The following SLC9A2 variants were observed in gnomAD, a reference collection of about 807,000 sequenced individuals.
The protein encoded by SLC9A2 is sodium/hydrogen exchanger 2.
In SLC9A2, 42 loss-of-function variants were observed where a neutral mutation model predicts 71.7. The ratio of observed to expected loss-of-function variants is 0.59; its 90% CI spans 0.46 to 0.76. The LOEUF (loss-of-function observed/expected upper bound fraction) is 0.76. Among genes scored for constraint, SLC9A2 ranks in the 30% least tolerant of loss-of-function variants. The pLI is 0.00. For synonymous variants in SLC9A2, 396 were observed against 392.5 expected (o/e 1.01, Z -0.10); for missense variants, 829 against 1,017.4 (o/e 0.81, Z 2.52).
At chr2:102,680,306 GT>G (rs1230056157) in intron 3 of SLC9A2, among the ~76,000 whole-genome samples, 5 of 151,958 alleles carry the variant, frequency 3.3e-5, no homozygotes, top group African/African-American at 1.2e-4. Context: ...TTGATACTTT[GT>G]ATTGGAGAAA....
At chr2:102,690,831 A>C (rs77643185) in intron 5 of SLC9A2, among the ~76,000 whole-genome samples, 3,973 of 152,278 alleles carry the variant, frequency 0.026, 178 homozygotes, top group African/African-American at 0.088. Flanking sequence ...TTTTTAATAC[A>C]TGAAAATCGT....
At chr2:102,658,316 C>T (rs1374159702) in intron 2 of SLC9A2, among the ~76,000 whole-genome samples, 2 of 152,116 alleles carry the variant, frequency 1.3e-5, no homozygotes, top group Admixed American at 6.5e-5. Context: ...TGACAAGGCC[C>T]TGTTCATGCC....
rs993505763 is a variant in SLC9A2, at chr2:102,644,391, G to C, written c.290-13173G>C. Among the ~76,000 whole-genome samples the C allele has an allele frequency of 3.8e-4, 58 of 152,164 alleles. 1 individual carries two copies. The highest frequency in any genetic ancestry group is 4.4e-5 in the Non-Finnish European group (3 of 68,028). ...GTTTCAAGCACAAAACTAGGTGGCT[G>C]TTTGGGCAGACACTGAGCTAGCTGC... On this transcript the variant is annotated intron_variant, in intron 1 of 11. Transcript: ENST00000233969.
intron 1 of SLC9A2, among the ~76,000 whole-genome samples, chr2:102,621,307 C>A (rs1230141622): frequency 1.3e-5 from 2 of 148,734 alleles, no homozygotes; most frequent in Non-Finnish European, 3.0e-5. Flanking sequence ...ATGAATGGCA[C>A]CACTGCACTC....
intron 1 of SLC9A2, among the ~76,000 whole-genome samples, chr2:102,632,021 T>C (rs78214528): frequency 0.018 from 1,433 of 81,400 alleles, 125 homozygotes; most frequent in African/African-American, 0.048. Flanking sequence ...TATATATATA[T>C]ATATATATAT....
chr2:102,658,115 G>A (rs1439783545), intron 2 of SLC9A2, 88 bp downstream of exon 2: 9 of 984,910 alleles, frequency 9.1e-6, no homozygotes, highest in South Asian at 1.5e-5. Context: ...TGGCAGGGGC[G>A]AGACCCTGCA....
chr2:102,658,083 C>A, intron 2 of SLC9A2, 56 bp downstream of exon 2: 1 of 1,340,800 alleles, frequency 7.5e-7, no homozygotes, highest in Non-Finnish European at 1.0e-6. Context: ...CAGCCACCTG[C>A]AGTGGCTCTC....
chr2:102,645,659 C>A (rs1031449584), intron 1 of SLC9A2, among the ~76,000 whole-genome samples: 1 of 151,796 alleles, frequency 6.6e-6, no homozygotes, highest in Non-Finnish European at 1.5e-5. Context: ...GAAGCATACA[C>A]AAGTGTCAAT....
At chr2:102,687,597 C>T (rs1677571419) in intron 5 of SLC9A2, among the ~76,000 whole-genome samples, 1 of 152,126 alleles carries the variant, frequency 6.6e-6, no homozygotes, top group Admixed American at 6.5e-5. Flanking sequence ...GCTCTTCCAA[C>T]CTGGTACTAC....
chr2:102,623,634 T>C (rs1338723846), intron 1 of SLC9A2, among the ~76,000 whole-genome samples: 1 of 152,204 alleles, frequency 6.6e-6, no homozygotes, highest in East Asian at 1.9e-4. Context: ...TTGCTCATAT[T>C]TGGGAATGAA....
At chr2:102,645,895 G>A (rs546546741) in intron 1 of SLC9A2, among the ~76,000 whole-genome samples, 1 of 152,214 alleles carries the variant, frequency 6.6e-6, no homozygotes. Context: ...TATTATTCAG[G>A]AGAACTTCCC....
intron 9 of SLC9A2, among the ~76,000 whole-genome samples, chr2:102,702,894 G>T (rs576744883): frequency 2.0e-5 from 3 of 152,140 alleles, no homozygotes; most frequent in Non-Finnish European, 2.9e-5. Context: ...CTTTCACTTC[G>T]TTTCCATTGT....
chr2:102,622,359 G>A (rs1456200480), intron 1 of SLC9A2, among the ~76,000 whole-genome samples: 2 of 152,118 alleles, frequency 1.3e-5, no homozygotes, highest in African/African-American at 4.8e-5. Flanking sequence ...CTCCATCGCT[G>A]GAGGGCTGCT....
At chr2:102,700,946 G>A (rs2104553687) in intron 7 of SLC9A2, 124 bp from the exon 8 acceptor site, 1 of 648,324 alleles carries the variant, frequency 1.5e-6, no homozygotes, top group Admixed American at 3.0e-5. Flanking sequence ...AAAATGACCA[G>A]ATTAGCTAAA....
At chr2:102,638,427 T>C (rs530125343) in intron 1 of SLC9A2, among the ~76,000 whole-genome samples, 29 of 152,282 alleles carry the variant, frequency 1.9e-4, no homozygotes, top group Admixed American at 7.8e-4. Context: ...AAGGACACTA[T>C]GGAATATCTA....
At chr2:102,646,584 C>G (rs1237190251) in intron 1 of SLC9A2, among the ~76,000 whole-genome samples, 1 of 151,726 alleles carries the variant, frequency 6.6e-6, no homozygotes, top group Non-Finnish European at 1.5e-5. Context: ...CACACACAGG[C>G]TCAAAATAAA....
chr2:102,697,892 G>C (rs1677797165), intron 7 of SLC9A2, among the ~76,000 whole-genome samples: 1 of 151,800 alleles, frequency 6.6e-6, no homozygotes, highest in Non-Finnish European at 1.5e-5. Context: ...TTGATCCTTT[G>C]AGAATGAAAC....
At chr2:102,699,073 G>A (rs1677821303) in intron 7 of SLC9A2, among the ~76,000 whole-genome samples, 1 of 152,200 alleles carries the variant, frequency 6.6e-6, no homozygotes, top group African/African-American at 2.4e-5. Context: ...GCTAGAAAGT[G>A]ATAACTACTA....
At chr2:102,688,825 T>C (rs1020805990) in intron 5 of SLC9A2, among the ~76,000 whole-genome samples, 1 of 152,208 alleles carries the variant, frequency 6.6e-6, no homozygotes, top group African/African-American at 2.4e-5. Flanking sequence ...GAAAAATGAT[T>C]AGAATACAAT....
Sources: allele counts gnomAD v4.1 joint callset (sites outside exome capture counted in the v4.1 genomes callset), GRCh38; gene constraint gnomAD v4.1.1; transcripts MANE v1.5; gene names NCBI Gene and HGNC (gene_info 2026-07-23, HGNC 2026-07-21).